Variants in CDH7 observed in about 807,000 individuals in gnomAD.
CDH7 encodes the protein cadherin 7.
Under a neutral mutation model 71.8 loss-of-function variants are expected in CDH7, and 25 were observed. The ratio of observed to expected loss-of-function variants is 0.35; its 90% CI spans 0.25 to 0.49. The LOEUF is 0.49. CDH7 is among the 20% of genes least tolerant of loss of function. The pLI is 0.99. For missense variants in CDH7, 862 were observed against 974.6 expected (o/e 0.88, Z 1.54); for synonymous variants, 381 against 363.8 (o/e 1.05, Z -0.54).
intron 7 of CDH7, among the ~76,000 whole-genome samples, chr18:65,853,767 A>G (rs1240145035): frequency 1.3e-5 from 2 of 151,264 alleles, no homozygotes; most frequent in East Asian, 3.9e-4. Context: ...CTCAATATTT[A>G]TTATTTTCGT....
chr18:65,836,124 G>C (rs2143970526), intron 6 of CDH7, among the ~76,000 whole-genome samples: 1 of 152,292 alleles, frequency 6.6e-6, no homozygotes, highest in East Asian at 1.9e-4. Context: ...CCTCCAGAAA[G>C]AATGAAGCTC....
At chr18:65,807,024 G>A (rs966056353) in intron 2 of CDH7, among the ~76,000 whole-genome samples, 8 of 151,840 alleles carry the variant, frequency 5.3e-5, no homozygotes, top group Non-Finnish European at 5.9e-5. Flanking sequence ...GAAGCCTAGT[G>A]ATGGTACCAG....
chr18:65,825,505 A>G (rs549874907), intron 6 of CDH7, among the ~76,000 whole-genome samples: 2 of 151,980 alleles, frequency 1.3e-5, no homozygotes, highest in Admixed American at 1.3e-4. Flanking sequence ...TAGAGATATG[A>G]CTTTTTACAG....
intron 2 of CDH7, among the ~76,000 whole-genome samples, chr18:65,774,480 A>G (rs1265818390): frequency 6.6e-6 from 1 of 152,064 alleles, no homozygotes; most frequent in Non-Finnish European, 1.5e-5. Context: ...TTTACAAATT[A>G]AAACGACCTT....
intron 4 of CDH7, among the ~76,000 whole-genome samples, chr18:65,818,990 A>T (rs1378138659): frequency 6.6e-6 from 1 of 152,098 alleles, no homozygotes; most frequent in African/African-American, 2.4e-5. Context: ...TCCGGTCACA[A>T]CCTTGTTGAC....
intron 2 of CDH7, among the ~76,000 whole-genome samples, chr18:65,793,432 AAG>A (rs1491557170): frequency 2.0e-5 from 3 of 151,980 alleles, no homozygotes; most frequent in African/African-American, 4.8e-5. Flanking sequence ...AAAAAAAAAA[AAG>A]AGAGGGAGAG....
rs1229444317 is a variant in CDH7 at position 65,858,939 on chromosome 18, G to A, written c.1387G>A (p.Val463Ile). 6.2e-7 allele frequency: 1 copy of A among 1,612,238 alleles called. No individual in the cohort carries two copies. ...TTATTTATTAGAGAATCCATCTCAA[G>A]TAGGAAGAGGCTATGTGGCCATCAC... is the stretch of plus-strand genomic sequence containing the variant. Reference protein sequence around the residue: ...LAMESQNPSQVGRGYVAITIL... With the variant: ...LAMESQNPSQIGRGYVAITIL... The change falls in exon 9 of 12, where the codon GTA becomes ATA. Residue 463 changes from valine to isoleucine, a missense_variant. Coordinates refer to ENST00000397968, the MANE Select transcript of CDH7 (RefSeq NM_004361.5).
chr18:65,888,211 A>T lies in CDH7; in HGVS notation c.*7317A>T, dbSNP rs1914421298. 6.6e-6 allele frequency: 1 copy of T among 152,212 alleles called. No homozygotes were observed. Among genetic ancestry groups the T allele is most frequent in the Non-Finnish European group, 1.5e-5 (1 of 68,034 alleles). 9.4% of individuals were successfully genotyped at this position (152,212 alleles called of 1,614,324 possible). ...AATATAAGAAAGAGTACTGTTTCAGAACTAACCAGCGAAGAGATGTATACA... is the reference window on the plus strand; with the variant it reads ...AATATAAGAAAGAGTACTGTTTCAGTACTAACCAGCGAAGAGATGTATACA... On this transcript the variant is annotated 3_prime_UTR_variant, in exon 12 of 12. Coordinates refer to ENST00000397968, the MANE Select transcript of CDH7 (RefSeq NM_004361.5).
intron 2 of CDH7, among the ~76,000 whole-genome samples, chr18:65,790,005 G>A (rs1175105109): frequency 6.6e-6 from 1 of 151,652 alleles, no homozygotes; most frequent in Non-Finnish European, 1.5e-5. Flanking sequence ...CAAGGCAGAC[G>A]GATCACGAGG....
At chr18:65,765,139 A>G (rs1447041512) in intron 2 of CDH7, among the ~76,000 whole-genome samples, 2 of 152,074 alleles carry the variant, frequency 1.3e-5, no homozygotes, top group African/African-American at 4.8e-5. Context: ...ATCGCCTTTC[A>G]TAGTAAATTG....
At chr18:65,809,147 C>T (rs925920737) in intron 2 of CDH7, among the ~76,000 whole-genome samples, 5 of 152,108 alleles carry the variant, frequency 3.3e-5, no homozygotes, top group African/African-American at 4.8e-5. Context: ...TTTTAAAATA[C>T]GGAACAGGAC....
intron 11 of CDH7, among the ~76,000 whole-genome samples, chr18:65,878,292 C>T (rs1487849125): frequency 6.6e-6 from 1 of 152,204 alleles, no homozygotes; most frequent in Non-Finnish European, 1.5e-5. Context: ...ATTCTGCTAA[C>T]TCTACTTACG....
chr18:65,872,157 G>A (rs2046407), intron 11 of CDH7, among the ~76,000 whole-genome samples: 94,524 of 152,002 alleles, frequency 0.62, 31,847 homozygotes, highest in East Asian at 0.92. Context: ...TCAAGATAGC[G>A]GACCCACACA....
chr18:65,820,920 A>T (rs1257509085), intron 4 of CDH7, among the ~76,000 whole-genome samples: 1 of 152,146 alleles, frequency 6.6e-6, no homozygotes, highest in Admixed American at 6.5e-5. Context: ...ACACATACTG[A>T]TATTAGAAGG....
chr18:65,818,954 G>T (rs922294313), intron 4 of CDH7, among the ~76,000 whole-genome samples: 7 of 152,234 alleles, frequency 4.6e-5, no homozygotes, highest in Admixed American at 1.3e-4. Flanking sequence ...TCCTTATGAG[G>T]TAGGAGAGAC....
intron 2 of CDH7, among the ~76,000 whole-genome samples, chr18:65,796,000 C>G (rs185437120): frequency 3.3e-5 from 5 of 152,176 alleles, no homozygotes; most frequent in Non-Finnish European, 7.4e-5. Flanking sequence ...GAAGCCTACC[C>G]AGCCATGCAG....
In CDH7 at chr18:65,872,320, C is replaced by A. The variant is rs192680212; in HGVS notation, c.1865-8081C>A. 7.0e-3 allele frequency among the ~76,000 whole-genome samples: 1,072 copies of A among 152,128 alleles called. 10 individuals are homozygous for A. Among genetic ancestry groups the A allele is most frequent in the Non-Finnish European group, 0.011 (774 of 68,006 alleles). On this transcript the variant is annotated intron_variant, in intron 11 of 11. Coordinates refer to ENST00000397968, the MANE Select transcript of CDH7 (RefSeq NM_004361.5). ...AACTCAGATTGCTCTGGTTTGAGAG[C>A]AGTCAGGATATAAGAAAGTGGAAAT...
chr18:65,874,605 C>T (rs1914019803), intron 11 of CDH7, among the ~76,000 whole-genome samples: 1 of 151,948 alleles, frequency 6.6e-6, no homozygotes, highest in South Asian at 2.1e-4. Context: ...ACCAAAAGTC[C>T]AGACTTCACC....
At chr18:65,758,446 G>C (rs148648717) in intron 1 of CDH7, among the ~76,000 whole-genome samples, 95 of 152,282 alleles carry the variant, frequency 6.2e-4, no homozygotes, top group Admixed American at 1.1e-3. Context: ...TGGGAGAGTT[G>C]GTTACTGCCA....
Sources: gnomAD v4.1 joint callset for allele counts (sites outside exome capture counted in the v4.1 genomes callset) on GRCh38, gnomAD v4.1.1 for gene constraint, MANE v1.5 for transcripts, NCBI Gene and HGNC (gene_info 2026-07-23, HGNC 2026-07-21) for gene names.